TTC23: variants seen among roughly 807,000 people sequenced by gnomAD.
TTC23 encodes tetratricopeptide repeat domain 23.
Under a neutral mutation model 55.1 loss-of-function variants are expected in TTC23, and 58 were observed. The ratio of observed to expected loss-of-function variants is 1.05; its 90% CI spans 0.85 to 1.31. TTC23 has a LOEUF of 1.31. Ranked by LOEUF, TTC23 falls within the 50% of genes most tolerant of loss-of-function variation. The probability of loss-of-function intolerance (pLI) is 0.00; values close to 1 mark genes in which losing one functional copy is unlikely to be tolerated. For synonymous variants in TTC23, 203 were observed against 199.9 expected, an observed-to-expected ratio of 1.02 and a Z score of -0.13; for missense variants, 516 against 534.4, an observed-to-expected ratio of 0.97 and a Z score of 0.34.
intron 9 of TTC23, among the ~76,000 whole-genome samples, chr15:99,176,081 C>T (rs191322289): frequency 6.6e-6 from 1 of 152,224 alleles, no homozygotes; most frequent in East Asian, 1.9e-4. Context: ...TGCAAAATAC[C>T]TGCTTTCAAA....
At chr15:99,189,069 T>C (rs968948406) in intron 9 of TTC23, among the ~76,000 whole-genome samples, 8 of 152,138 alleles carry the variant, frequency 5.3e-5, no homozygotes, top group Non-Finnish European at 1.2e-4. Context: ...GAAACCTGTT[T>C]AAATGCCCCA....
intron 8 of TTC23, among the ~76,000 whole-genome samples, chr15:99,217,638 GCA>G (rs1247930706): frequency 2.0e-5 from 3 of 152,174 alleles, no homozygotes; most frequent in African/African-American, 4.8e-5. Flanking sequence ...CAGAGGATTT[GCA>G]CAGATGAGTG....
intron 8 of TTC23, among the ~76,000 whole-genome samples, chr15:99,215,386 T>A (rs8024283): frequency 0.011 from 1,672 of 152,198 alleles, 41 homozygotes; most frequent in African/African-American, 0.038. Context: ...ATGATTAATT[T>A]ACAATTAGAT....
intron 8 of TTC23, among the ~76,000 whole-genome samples, chr15:99,202,086 A>C (rs897011428): frequency 2.0e-5 from 3 of 152,222 alleles, no homozygotes; most frequent in Admixed American, 6.5e-5. Flanking sequence ...AAATATGACA[A>C]GAGTTCATTG....
intron 9 of TTC23, among the ~76,000 whole-genome samples, chr15:99,190,254 C>T (rs572791325): frequency 5.4e-4 from 76 of 140,234 alleles, no homozygotes; most frequent in African/African-American, 2.0e-3. Flanking sequence ...AGAAAATATC[C>T]TTGTTTTTTT....
At chr15:99,226,013 T>C (rs917410222) in intron 5 of TTC23, among the ~76,000 whole-genome samples, 5 of 152,182 alleles carry the variant, frequency 3.3e-5, no homozygotes, top group Admixed American at 6.5e-5. Flanking sequence ...TGAGGAAGCA[T>C]AAGACGAACT....
At position 99,217,804 on chromosome 15, in the gene TTC23, T is replaced by C. The variant is rs547460454; in HGVS notation, c.581+784A>G. On this transcript the variant is annotated intron_variant, in intron 8 of 13. Transcript: ENST00000394132. ...CATTAGGTGTGTTCTCCTGGGGCCC[T>C]TTCCTAGCACCTTTCTTAAAATGAT... Among the ~76,000 whole-genome samples, 6 of 152,350 alleles carry C rather than the reference T, an allele frequency of 3.9e-5. No individual in the cohort carries two copies. In the East Asian group the frequency reaches 9.7e-4, roughly 25 times the overall value.
chr15:99,176,903 C>A (rs531456742), intron 9 of TTC23, among the ~76,000 whole-genome samples: 6 of 152,264 alleles, frequency 3.9e-5, no homozygotes, highest in East Asian at 1.9e-4. Flanking sequence ...CCATTCCCCC[C>A]ACCCTAGCCA....
intron 4 of TTC23, among the ~76,000 whole-genome samples, chr15:99,230,114 T>A (rs1326220871): frequency 6.6e-6 from 1 of 152,118 alleles, no homozygotes; most frequent in Non-Finnish European, 1.5e-5. Context: ...TTGACACAGA[T>A]GTTAAATTAG....
At chr15:99,153,312 C>T (rs1019325478) in intron 12 of TTC23, among the ~76,000 whole-genome samples, 2 of 152,214 alleles carry the variant, frequency 1.3e-5, no homozygotes, top group South Asian at 2.1e-4. Flanking sequence ...AGTTTTCCCC[C>T]AGGTCTGGCT....
At chr15:99,195,727 T>A (rs1014263911) in intron 9 of TTC23, among the ~76,000 whole-genome samples, 1 of 152,112 alleles carries the variant, frequency 6.6e-6, no homozygotes, top group African/African-American at 2.4e-5. Context: ...AACTATGGAC[T>A]TTAGGTGATA....
At chr15:99,200,990 C>G (rs968719806) in intron 8 of TTC23, among the ~76,000 whole-genome samples, 1 of 152,194 alleles carries the variant, frequency 6.6e-6, no homozygotes, top group Non-Finnish European at 1.5e-5. Context: ...TGTATATCAT[C>G]TCAGGCATGT....
At position 99,180,106 on chromosome 15, in the gene TTC23, C is replaced by A. The variant is rs186134117; in HGVS notation, c.760-4951G>T. On this transcript the variant is annotated intron_variant, in intron 9 of 13. Coordinates refer to ENST00000394132, the MANE Select transcript of TTC23 (RefSeq NM_001288615.3). ...GATCAAGTAATGGGCCTCGCTGGGG[C>A]TCCATAGTTTGACCACACTCACTCC... Among the ~76,000 whole-genome samples, 482 of 152,254 alleles carry A rather than the reference C, an allele frequency of 3.2e-3. 1 individual carries two copies. The highest frequency in any genetic ancestry group is 0.01 in the African/African-American group (425 of 41,532).
intron 10 of TTC23, among the ~76,000 whole-genome samples, chr15:99,170,781 C>A (rs2072816866): frequency 6.6e-6 from 1 of 152,212 alleles, no homozygotes; most frequent in Non-Finnish European, 1.5e-5. Flanking sequence ...ATAAAAGACA[C>A]TGGGAATGTA....
In TTC23 at chr15:99,200,024, G is replaced by A. The variant is rs751578950; in HGVS notation, c.654C>T (p.Ile218=). The change falls in exon 9 of 14, where the codon ATC becomes ATT. Residue 218 remains isoleucine, a synonymous_variant. Transcript: ENST00000394132. ...HYQAALEYVE[I]SKGETSRECV... is the part of the protein sequence containing the mutation. Reference sequence around the variant, plus strand: ...ACTCACGACTTGTTTCACCTTTACTGATCTCAACATATTCCAAAGCTGCTT... The same window carrying A: ...ACTCACGACTTGTTTCACCTTTACTAATCTCAACATATTCCAAAGCTGCTT... 1.5e-5 allele frequency: 25 copies of A among 1,613,832 alleles called. No individual in the cohort carries two copies. In the African/African-American group the frequency reaches 1.7e-4, roughly 11 times the overall value.
intron 3 of TTC23, among the ~76,000 whole-genome samples, chr15:99,236,984 T>C (rs972543188): frequency 6.7e-6 from 1 of 148,922 alleles, no homozygotes; most frequent in East Asian, 2.0e-4. Flanking sequence ...ACTCCTAAGT[T>C]TTTTTTTTTT....
At chr15:99,225,876 G>A (rs1437437397) in intron 5 of TTC23, among the ~76,000 whole-genome samples, 1 of 152,218 alleles carries the variant, frequency 6.6e-6, no homozygotes, top group African/African-American at 2.4e-5. Flanking sequence ...TTAACCAAGT[G>A]TTCAAGGTTG....
At chr15:99,186,423 C>G (rs1424599476) in intron 9 of TTC23, among the ~76,000 whole-genome samples, 2 of 151,964 alleles carry the variant, frequency 1.3e-5, no homozygotes, top group African/African-American at 4.8e-5. Context: ...CTTTTTTAAC[C>G]TCAAGAGTAA....
intron 11 of TTC23, chr15:99,157,396 G>C (rs1331840403): frequency 2.0e-5 from 3 of 152,004 alleles, no homozygotes; most frequent in South Asian, 2.1e-4. Flanking sequence ...ATTTTTAGTA[G>C]AGACAGGGTT....
Sources: allele counts gnomAD v4.1 joint callset (sites outside exome capture counted in the v4.1 genomes callset), GRCh38; gene constraint gnomAD v4.1.1; transcripts MANE v1.5; gene names NCBI Gene and HGNC (gene_info 2026-07-23, HGNC 2026-07-21).